TRPM1: variants seen among roughly 807,000 people sequenced by gnomAD.
The protein encoded by TRPM1 is TRPM1-203 APA Isoform, Intron 10.
Under a neutral mutation model 149.4 loss-of-function variants are expected in TRPM1, and 113 were observed. That is an observed-to-expected ratio of 0.76 (90% CI 0.65 to 0.88). The LOEUF (loss-of-function observed/expected upper bound fraction) is 0.88. Among genes scored for constraint, TRPM1 ranks in the 40% least tolerant of loss-of-function variants. TRPM1 has a pLI of 0.00. For missense variants in TRPM1, 1,976 were observed against 2,038.7 expected (o/e 0.97, Z 0.59); for synonymous variants, 741 against 759.5 (o/e 0.98, Z 0.40).
chr15:31,149,730 A>G (rs551471039), intron 1 of TRPM1, among the ~76,000 whole-genome samples: 31 of 152,152 alleles, frequency 2.0e-4, no homozygotes, highest in South Asian at 4.2e-4. Context: ...CGTGTTAGCC[A>G]GGATGGTCTC....
At position 31,071,984 on chromosome 15, in the gene TRPM1, T is replaced by A. The variant is rs1342098456; in HGVS notation, c.84-1758A>T. The stretch of plus-strand genomic sequence containing the variant: ...GTCTCAAAAAAAAAAAAAAAACATA[T>A]ATATATATATATATATATATATATA... On this transcript the variant is annotated intron_variant, in intron 3 of 27. Coordinates refer to ENST00000256552, the MANE Select transcript of TRPM1 (RefSeq NM_001252024.2). 2.1e-4 allele frequency among the ~76,000 whole-genome samples: 13 copies of A among 62,576 alleles called. 2 individuals are homozygous for A. The highest frequency in any genetic ancestry group is 3.4e-4 in the African/African-American group (4 of 11,748). The allele number at this position is 62,576 out of a possible 152,430, so 41.1% of individuals were successfully genotyped here.
At chr15:31,064,563 C>T (rs1156911555) in intron 7 of TRPM1, among the ~76,000 whole-genome samples, 1 of 152,208 alleles carries the variant, frequency 6.6e-6, no homozygotes, top group South Asian at 2.1e-4. Context: ...GCCTATTTCA[C>T]CAGCTGTCCA....
At chr15:31,064,673 T>A (rs2034321144) in intron 7 of TRPM1, among the ~76,000 whole-genome samples, 1 of 152,166 alleles carries the variant, frequency 6.6e-6, no homozygotes, top group African/African-American at 2.4e-5. Flanking sequence ...TCTGCCAGCA[T>A]TGGTTAAGAG....
intron 14 of TRPM1, among the ~76,000 whole-genome samples, chr15:31,047,478 T>A (rs2033811281): frequency 6.6e-6 from 1 of 152,174 alleles, no homozygotes; most frequent in African/African-American, 2.4e-5. Flanking sequence ...GGACACAGAA[T>A]GACTTGAGGA....
chr15:31,149,583 G>T (rs1396812794), intron 1 of TRPM1, among the ~76,000 whole-genome samples: 1 of 148,550 alleles, frequency 6.7e-6, no homozygotes, highest in Non-Finnish European at 1.5e-5. Context: ...GCAGTGGCGC[G>T]ATCTTGGCTC....
intron 11 of TRPM1, among the ~76,000 whole-genome samples, chr15:31,057,722 T>C (rs1251298052): frequency 6.6e-6 from 1 of 152,170 alleles, no homozygotes; most frequent in Non-Finnish European, 1.5e-5. Flanking sequence ...AGCCTTGATA[T>C]GGTTTGGCTC....
In TRPM1 at chr15:31,047,893, T is replaced by G. The variant is rs767095977; in HGVS notation, c.1619A>C (p.Lys540Thr). 6.2e-7 allele frequency: 1 copy of G among 1,613,292 alleles called. No individual in the cohort carries two copies. Among genetic ancestry groups the G allele is most frequent in the Admixed American group, 1.7e-5 (1 of 60,018 alleles). ...ATTGTAAAACAGTAGACTGACCTTTTTCACATCCCTCACCAGCAGATGAAG... is the reference window on the plus strand; with the variant it reads ...ATTGTAAAACAGTAGACTGACCTTTGTCACATCCCTCACCAGCAGATGAAG... ...NTLHLLVRDV[K>T]KSNLPPDYHI... The change falls in exon 14 of 28, where the codon AAA (lysine) becomes ACA (threonine). Residue 540 changes from lysine to threonine, a missense_variant. Lys to Thr is a moderately conservative substitution (Grantham distance 78). Coordinates refer to ENST00000256552, the MANE Select transcript of TRPM1 (RefSeq NM_001252024.2).
intron 1 of TRPM1, among the ~76,000 whole-genome samples, chr15:31,113,041 G>A (rs753882755): frequency 6.6e-5 from 10 of 152,234 alleles, no homozygotes; most frequent in Admixed American, 2.6e-4. Flanking sequence ...TCTGCTTCCT[G>A]AAGTCCCATT....
At chr15:31,098,177 T>C (rs1399639253) in intron 1 of TRPM1, among the ~76,000 whole-genome samples, 2 of 152,190 alleles carry the variant, frequency 1.3e-5, no homozygotes, top group African/African-American at 2.4e-5. Context: ...GGCTCACGCC[T>C]GTAATCCCAG....
At chr15:31,065,048 G>C (rs1473560857) in intron 7 of TRPM1, 2 of 534,550 alleles carry the variant, frequency 3.7e-6, no homozygotes, top group African/African-American at 3.8e-5. Flanking sequence ...GCTGTGGGAA[G>C]TGACAACTGA....
intron 2 of TRPM1, among the ~76,000 whole-genome samples, chr15:31,080,389 A>G (rs964992383): frequency 1.3e-5 from 2 of 152,208 alleles, no homozygotes; most frequent in Non-Finnish European, 2.9e-5. Context: ...AATATTTATT[A>G]TGAGGCTCTG....
chr15:31,052,953 C>CA (rs2033985184), intron 11 of TRPM1, among the ~76,000 whole-genome samples: 1 of 151,840 alleles, frequency 6.6e-6, no homozygotes, highest in Admixed American at 6.6e-5. Flanking sequence ...TTTTGTGCAG[C>CA]AAAAAATACC....
chr15:31,096,267 A>G (rs1038240683), intron 1 of TRPM1, among the ~76,000 whole-genome samples: 1 of 152,170 alleles, frequency 6.6e-6, no homozygotes, highest in African/African-American at 2.4e-5. Context: ...GCCCCATGGT[A>G]AAACACAAGG....
In TRPM1 at chr15:31,028,493, G is replaced by A. The variant is rs1253386418; in HGVS notation, c.3149-17C>T. The stretch of plus-strand genomic sequence containing the variant: ...CACAAGGAGCTGAAAGAAAAAAATA[G>A]TTTTGTCTTTGCTTTTTACATATAA... On this transcript the variant is annotated splice_polypyrimidine_tract_variant and intron_variant, in intron 24 of 27. Transcript: ENST00000256552. 15 of 1,613,450 alleles carry A rather than the reference G, an allele frequency of 9.3e-6. No individual in the cohort carries two copies. The highest frequency in any genetic ancestry group is 1.2e-5 in the Non-Finnish European group (14 of 1,179,920).
chr15:31,024,850 C>A (rs1338972783), intron 27 of TRPM1, among the ~76,000 whole-genome samples: 10 of 152,166 alleles, frequency 6.6e-5, no homozygotes, highest in Non-Finnish European at 1.2e-4. Context: ...ATCAAAGAAA[C>A]ATTTCAAAGT....
At chr15:31,056,577 G>C (rs1439039715) in intron 11 of TRPM1, among the ~76,000 whole-genome samples, 2 of 152,192 alleles carry the variant, frequency 1.3e-5, no homozygotes, top group Admixed American at 1.3e-4. Context: ...TGGTTTGAAA[G>C]TGTCCCCCAA....
intron 26 of TRPM1, 190 bp from the exon 27 acceptor site, chr15:31,026,461 G>T: frequency 1.4e-6 from 1 of 710,662 alleles, no homozygotes; most frequent in Non-Finnish European, 2.3e-6. Flanking sequence ...ATCAGTTGGA[G>T]CCAAACGGCC....
At chr15:31,007,736 T>C (rs865842891) in intron 27 of TRPM1, among the ~76,000 whole-genome samples, 8 of 152,338 alleles carry the variant, frequency 5.3e-5, no homozygotes, top group Middle Eastern at 6.8e-3. Context: ...GGGATTTTGA[T>C]TGGTATTGTG....
chr15:31,035,076 C>T (rs896826946), intron 21 of TRPM1, among the ~76,000 whole-genome samples: 1 of 152,226 alleles, frequency 6.6e-6, no homozygotes, highest in African/African-American at 2.4e-5. Context: ...GCGATCTCGG[C>T]TCATTGCAAC....
Sources: gnomAD v4.1 joint callset for allele counts (sites outside exome capture counted in the v4.1 genomes callset) on GRCh38, gnomAD v4.1.1 for gene constraint, MANE v1.5 for transcripts, NCBI Gene and HGNC (gene_info 2026-07-23, HGNC 2026-07-21) for gene names.